LOX: variants seen among roughly 807,000 people sequenced by gnomAD.
LOX encodes the protein protein-lysine 6-oxidase.
In LOX, 12 loss-of-function variants were observed where a neutral mutation model predicts 50.5. The observed-to-expected ratio is 0.24, with a 90% confidence interval of 0.15 to 0.38. The LOEUF (loss-of-function observed/expected upper bound fraction) is 0.38, where lower values mean the gene tolerates loss of function less well. LOX is among the 10% of genes least tolerant of loss of function. LOX has a pLI of 1.00. For synonymous variants in LOX, 254 were observed against 230.6 expected (o/e 1.10, Z -0.92); for missense variants, 504 against 563.8 (o/e 0.89, Z 1.07).
At chr5:122,072,286 A>G (rs1754473218) in intron 4 of LOX, among the ~76,000 whole-genome samples, 1 of 152,220 alleles carries the variant, frequency 6.6e-6, no homozygotes, top group South Asian at 2.1e-4. Flanking sequence ...TTATTTGCAC[A>G]AGCAAGCAAA....
At position 122,077,532 on chromosome 5, in the gene LOX, G is replaced by C. The variant is rs750748531; in HGVS notation, c.454C>G (p.Pro152Ala). The C allele has an allele frequency of 3.1e-6, 5 of 1,613,620 alleles. No homozygotes were observed. In the African/African-American group the frequency reaches 6.7e-5, roughly 22 times the overall value. ...GGCGGCCGCAGGTTACTGAGCGCAG[G>C]AACTTCTCCCGGCGCTGTCTGGTTC... ...AENQTAPGEV[P>A]ALSNLRPPSR... is the part of the protein sequence containing the mutation. The change falls in exon 1 of 7, where the codon CCT (proline) becomes GCT (alanine). Residue 152 changes from proline (P) to alanine (A), a missense_variant. Around this residue, in one of 2 missense-constraint regions of LOX, gnomAD observed 398 missense variants for 365.8 expected, o/e 1.09. Coordinates refer to ENST00000231004, the MANE Select transcript of LOX (RefSeq NM_002317.7). This position sits in a 1 kb window ranked among gnomAD's most constrained non-coding sequence, Gnocchi z 4.9.
chr5:122,077,605 A>C lies in LOX; in HGVS notation c.381T>G (p.Ala127=). Residue 127 remains alanine, a synonymous_variant, in exon 1 of 7, where the codon GCT becomes GCG. Transcript: ENST00000231004. The surrounding 1 kb of genome is among the most constrained non-coding windows in gnomAD (Gnocchi z 4.9). ...PRPTARHWFQ[A]GYSTSRAREA... ...CGCGGGCTCTAGATGTCGAGTAGCC[A>C]GCTTGGAACCAGTGACGGGCGGTGG... 2 of 1,612,408 alleles carry C rather than the reference A, an allele frequency of 1.2e-6. No individual in the cohort carries two copies. The highest frequency in any genetic ancestry group is 1.7e-6 in the Non-Finnish European group (2 of 1,179,778).
At chr5:122,069,710 G>A (rs112725203) in intron 6 of LOX, among the ~76,000 whole-genome samples, 105 of 152,066 alleles carry the variant, frequency 6.9e-4, no homozygotes, top group African/African-American at 2.0e-3. Context: ...GCGAGGAAGG[G>A]GCCAAGAAGC....
At position 122,077,751 on chromosome 5, in the gene LOX, C is replaced by T. The variant is rs752839330; in HGVS notation, c.235G>A (p.Ala79Thr). The T allele has an allele frequency of 4.2e-4, 664 of 1,562,440 alleles. No homozygotes were observed. Among genetic ancestry groups the T allele is most frequent in the Non-Finnish European group, 5.6e-4 (645 of 1,158,846 alleles). ...GGCTGCTGGGCGGAGGCGTTGGCTG[C>T]ACCAGGGACGGCGGCGCCCGGGTCC... ...RRDPGAAVPG[A>T]ANASAQQPRT... The change falls in exon 1 of 7, where the codon GCA (alanine) becomes ACA (threonine). Residue 79 changes from alanine to threonine, a missense_variant. Physicochemically the swap from Ala to Thr is moderately conservative, Grantham distance 58. This residue lies in a region of LOX where 398 missense variants were observed against 365.8 expected (regional missense o/e 1.09). Transcript: ENST00000231004. The surrounding 1 kb of genome is among the most constrained non-coding windows in gnomAD (Gnocchi z 4.9).
At position 122,074,112 on chromosome 5, in the gene LOX, C is replaced by T. The variant is rs747602660; in HGVS notation, c.936G>A (p.Gln312=). The T allele has an allele frequency of 2.5e-6, 4 of 1,613,984 alleles. No homozygotes were observed. Among genetic ancestry groups the T allele is most frequent in the African/African-American group, 2.7e-5 (2 of 74,930 alleles). The change falls in exon 4 of 7, where the codon CAG becomes CAA. Residue 312 remains glutamine (Q), a synonymous_variant. Coordinates refer to ENST00000231004, the MANE Select transcript of LOX (RefSeq NM_002317.7). ...SHYDLLDANT[Q]RRVAEGHKAS... ...CTTTGTGGCCTTCAGCCACTCTCCT[C>T]TGGGTGTTGGCATCAAGCAGGTCAT...
intron 6 of LOX, among the ~76,000 whole-genome samples, chr5:122,068,236 T>C (rs930279386): frequency 1.3e-5 from 2 of 151,178 alleles, no homozygotes; most frequent in Admixed American, 1.3e-4. Flanking sequence ...GAATCCCTCT[T>C]GTACAGTCAT....
chr5:122,076,887 C>A lies in LOX; in HGVS notation c.740+6G>T. 2.5e-6 allele frequency: 4 copies of A among 1,613,836 alleles called. No homozygotes were observed. Among genetic ancestry groups the A allele is most frequent in the Non-Finnish European group, 3.4e-6 (4 of 1,179,848 alleles). ...GGAGCGGGGCCTCAGACATATCAGC[C>A]CGTACCTGGCCAGACAGTTTTCCTC... is the stretch of plus-strand genomic sequence containing the variant. On this transcript the variant is annotated splice_donor_region_variant and intron_variant, in intron 2 of 6. Transcript: ENST00000231004.
chr5:122,067,095 G>A (rs1754322216), intron 6 of LOX, among the ~76,000 whole-genome samples: 1 of 152,110 alleles, frequency 6.6e-6, no homozygotes, highest in Non-Finnish European at 1.5e-5. Flanking sequence ...CCAAGAAGTA[G>A]AGTCAAGGCC....
rs144674665 is a variant in LOX, at chr5:122,073,079, C to T, written c.1035+934G>A. Among the ~76,000 whole-genome samples, 409 of 152,252 alleles carry T rather than the reference C, an allele frequency of 2.7e-3. 2 individuals carry two copies. Among genetic ancestry groups the T allele is most frequent in the African/African-American group, 9.1e-3 (379 of 41,548 alleles). On this transcript the variant is annotated intron_variant, in intron 4 of 6. Coordinates refer to ENST00000231004, the MANE Select transcript of LOX (RefSeq NM_002317.7). ...AGCTCAGAGAAAAAAGCAATGGTAACATTTAGGTCACCAAACAGCTTCCTG... is the reference window on the plus strand; with the variant it reads ...AGCTCAGAGAAAAAAGCAATGGTAATATTTAGGTCACCAAACAGCTTCCTG...
At chr5:122,073,877 T>C in intron 4 of LOX, 136 bp downstream of exon 4, 2 of 769,850 alleles carry the variant, frequency 2.6e-6, no homozygotes, top group Non-Finnish European at 2.1e-6. Flanking sequence ...TCTACAGTTT[T>C]CTTTGAGAAC....
At chr5:122,069,139 A>G (rs1479371058) in intron 6 of LOX, among the ~76,000 whole-genome samples, 1 of 152,116 alleles carries the variant, frequency 6.6e-6, no homozygotes, top group Non-Finnish European at 1.5e-5. Flanking sequence ...TTTATGTAGA[A>G]AGTCCTGGGT....
At position 122,077,369 on chromosome 5, in the gene LOX, C is replaced by A; in HGVS notation, c.617G>T (p.Gly206Val). Reference sequence around the variant, plus strand: ...GGGGTACTTACCGTACTGGAAGTAGCCAGTGCCGTATCCGGGCCGGTACCT... The same window carrying A: ...GGGGTACTTACCGTACTGGAAGTAGACAGTGCCGTATCCGGGCCGGTACCT... The part of the protein sequence containing the change: ...GGRYRPGYGT[G>V]YFQYGLPDLV... Residue 206 changes from glycine to valine, a missense_variant, in exon 1 of 7, where the codon GGC (glycine) becomes GTC (valine). Transcript: ENST00000231004. This position sits in a 1 kb window ranked among gnomAD's most constrained non-coding sequence, Gnocchi z 4.9. 6.2e-7 allele frequency: 1 copy of A among 1,613,860 alleles called. No homozygotes were observed. The highest frequency in any genetic ancestry group is 8.5e-7 in the Non-Finnish European group (1 of 1,179,988).
Position 122,070,596 on chromosome 5 carries a change from T to A in LOX, c.1036-7A>T, listed in dbSNP as rs1554060819. 1 of 1,491,972 alleles carries A rather than the reference T, an allele frequency of 6.7e-7. No individual in the cohort carries two copies. Among genetic ancestry groups the A allele is most frequent in the Admixed American group, 1.8e-5 (1 of 55,916 alleles). 92.4% of individuals were successfully genotyped at this position (1,491,972 alleles called of 1,614,324 possible). On this transcript the variant is annotated splice_polypyrimidine_tract_variant and splice_region_variant and intron_variant, in intron 4 of 6. Transcript: ENST00000231004. The stretch of plus-strand genomic sequence containing the variant: ...AACAGCCAGGACTCAATCCCTAAGA[T>A]AAACAAAATAAAAAATTTAAAATTA...
chr5:122,066,866 T>C (rs1341671909), intron 6 of LOX, 117 bp from the exon 7 acceptor site: 5 of 668,484 alleles, frequency 7.5e-6, no homozygotes, highest in Middle Eastern at 3.9e-4. Flanking sequence ...TCCCTCCACC[T>C]AAGCAGCAAT....
chr5:122,068,947 G>A (rs1002866512), intron 6 of LOX, among the ~76,000 whole-genome samples: 6 of 151,948 alleles, frequency 3.9e-5, no homozygotes, highest in African/African-American at 1.5e-4. Flanking sequence ...GGGGTCGGGG[G>A]TTGGTTCTAC....
At chr5:122,070,200 T>C (rs756467458) in intron 5 of LOX, 32 bp from the exon 6 acceptor site, 4 of 1,199,448 alleles carry the variant, frequency 3.3e-6, no homozygotes, top group Non-Finnish European at 5.0e-6. Context: ...TCAGTATTTC[T>C]TTTTCCATAG....
At chr5:122,071,201 G>A (rs1302161068) in intron 4 of LOX, among the ~76,000 whole-genome samples, 1 of 151,472 alleles carries the variant, frequency 6.6e-6, no homozygotes, top group Non-Finnish European at 1.5e-5. Context: ...ATATGTGTGT[G>A]TGTGTGTGTG....
Position 122,076,527 on chromosome 5 carries a change from A to G in LOX, c.740+366T>C, listed in dbSNP as rs368062871. On this transcript the variant is annotated intron_variant, in intron 2 of 6. Transcript: ENST00000231004. ...GCCCCGAATCTTTTAAGGGGGTATT[A>G]ACACACCCTTCCATTACAATAAATT... Among the ~76,000 whole-genome samples, 72 of 152,338 alleles carry G rather than the reference A, an allele frequency of 4.7e-4. 1 individual carries two copies. In the South Asian group the frequency reaches 0.015, roughly 31 times the overall value.
In LOX at chr5:122,077,930, A is replaced by G. The variant is rs1424573441; in HGVS notation, c.56T>C (p.Val19Ala). ...GCCGGCGGCGGGAGGGGCGCAGTGCACTAGCGCGCAGAGCTGCAAAGGCCC... is the reference window on the plus strand; with the variant it reads ...GCCGGCGGCGGGAGGGGCGCAGTGCGCTAGCGCGCAGAGCTGCAAAGGCCC... ...LLGPLQLCAL[V>A]HCAPPAAGQQ... is the part of the protein sequence containing the mutation. Residue 19 changes from valine (V) to alanine (A), a missense_variant, in exon 1 of 7, where the codon GTG becomes GCG. Coordinates refer to ENST00000231004, the MANE Select transcript of LOX (RefSeq NM_002317.7). The surrounding 1 kb of genome is among the most constrained non-coding windows in gnomAD (Gnocchi z 4.9). 6.6e-7 allele frequency: 1 copy of G among 1,505,872 alleles called. No individual in the cohort carries two copies. The highest frequency in any genetic ancestry group is 1.4e-5 in the South Asian group (1 of 71,912). 93.3% of individuals were successfully genotyped at this position (1,505,872 alleles called of 1,614,324 possible).
Sources: gnomAD v4.1 joint callset for allele counts (sites outside exome capture counted in the v4.1 genomes callset) on GRCh38, gnomAD v4.1.1 for gene constraint, gnomAD v4.1.1 regional missense constraint, Gnocchi (gnomAD v3.1) non-coding constraint, MANE v1.5 for transcripts, NCBI Gene and HGNC (gene_info 2026-07-23, HGNC 2026-07-21) for gene names.